Variants in NEBL observed in about 807,000 individuals in gnomAD.
NEBL encodes nebulette.
In NEBL, 122 loss-of-function variants were observed where a neutral mutation model predicts 140.2. That is an observed-to-expected ratio of 0.87 (90% CI 0.75 to 1.01). The LOEUF (loss-of-function observed/expected upper bound fraction) is 1.01, where lower values mean the gene tolerates loss of function less well. NEBL is among the 50% of genes least tolerant of loss of function. The pLI, the probability that NEBL is intolerant of heterozygous loss-of-function variation, is 0.00. For synonymous variants in NEBL, 436 were observed against 398.9 expected, an observed-to-expected ratio of 1.09 and a Z score of -1.11; for missense variants, 1,365 against 1,231.3, an observed-to-expected ratio of 1.11 and a Z score of -1.62.
At chr10:21,003,846 T>C (rs1376629608) in intron 3 of NEBL, among the ~76,000 whole-genome samples, 1 of 152,232 alleles carries the variant, frequency 6.6e-6, no homozygotes, top group Non-Finnish European at 1.5e-5. Flanking sequence ...TCAAAACGTA[T>C]CTAAATTTCT....
chr10:21,212,213 A>G (rs1291472650), intron 3 of NEBL, among the ~76,000 whole-genome samples: 3 of 152,004 alleles, frequency 2.0e-5, no homozygotes, highest in Admixed American at 6.6e-5. Flanking sequence ...TGTCAGAAAG[A>G]TAATACAAAT....
At chr10:20,888,038 C>CT in intron 4 of NEBL, 59 bp downstream of exon 4, 1 of 1,218,850 alleles carries the variant, frequency 8.2e-7, no homozygotes, top group Non-Finnish European at 1.2e-6. Context: ...CGCTAAGTAG[C>CT]TTTTTTCCAG....
At chr10:21,067,265 C>T (rs1835610622) in intron 2 of NEBL, among the ~76,000 whole-genome samples, 1 of 152,042 alleles carries the variant, frequency 6.6e-6, no homozygotes, top group Non-Finnish European at 1.5e-5. Flanking sequence ...GCCACCGCGC[C>T]CAGCCGAAAT....
chr10:21,226,634 T>C (rs1297234014), intron 3 of NEBL, among the ~76,000 whole-genome samples: 1 of 152,186 alleles, frequency 6.6e-6, no homozygotes, highest in Non-Finnish European at 1.5e-5. Flanking sequence ...CCTATGTTGC[T>C]TTCTGCTGTG....
chr10:21,236,348 T>A (rs1466404030), intron 3 of NEBL, among the ~76,000 whole-genome samples: 1 of 84,930 alleles, frequency 1.2e-5, no homozygotes, highest in Non-Finnish European at 2.5e-5. Context: ...TTTTTTAATT[T>A]TTTTTTTTTT....
Position 21,118,747 on chromosome 10 carries a change from A to G in NEBL, c.164+53636T>C, listed in dbSNP as rs144399350. 1.0e-3 allele frequency among the ~76,000 whole-genome samples: 156 copies of G among 152,320 alleles called. 3 individuals are homozygous for G. The East Asian group carries it at 0.021, about 21-fold the overall frequency. ...TTTTTCTAAATTACATATGTGCGAA[A>G]TGAGTCTTAATAAAGCCACTGATTA... is the stretch of plus-strand genomic sequence containing the variant. On this transcript the variant is annotated intron_variant, in intron 2 of 6. Transcript: ENST00000417816.
At chr10:21,268,402 G>A (rs1216715601) in intron 1 of NEBL, among the ~76,000 whole-genome samples, 1 of 152,210 alleles carries the variant, frequency 6.6e-6, no homozygotes, top group Non-Finnish European at 1.5e-5. Context: ...AGGATCGCCT[G>A]AGCCCAAGAG....
At chr10:20,881,287 G>A (rs1301215083) in intron 4 of NEBL, among the ~76,000 whole-genome samples, 1 of 152,174 alleles carries the variant, frequency 6.6e-6, no homozygotes. Flanking sequence ...AAAGTAAATT[G>A]TTTTCAAATG....
At chr10:20,857,181 A>C (rs1843160947) in intron 9 of NEBL, among the ~76,000 whole-genome samples, 1 of 152,234 alleles carries the variant, frequency 6.6e-6, no homozygotes, top group African/African-American at 2.4e-5. Context: ...AATACCATTA[A>C]GGAAGGAAGA....
chr10:21,273,165 C>T (rs1258050920), intron 1 of NEBL, among the ~76,000 whole-genome samples: 2 of 152,030 alleles, frequency 1.3e-5, no homozygotes, highest in Non-Finnish European at 2.9e-5. Flanking sequence ...AATAGAAGGG[C>T]AGTTTGTGGG....
chr10:21,017,030 T>C (rs779075319), intron 3 of NEBL, among the ~76,000 whole-genome samples: 1 of 152,202 alleles, frequency 6.6e-6, no homozygotes, highest in Non-Finnish European at 1.5e-5. Context: ...TTCTAGGTGC[T>C]CTCTGAGCAA....
rs1032615047 is a variant in NEBL at position 20,917,403 on chromosome 10, T to A, written c.357+44269A>T. On this transcript the variant is annotated intron_variant, in intron 4 of 6. Coordinates refer to the NEBL transcript ENST00000417816. ...AAGAATTTTTCATCTTTTTCACTGA[T>A]ATACCCATTGGCGTCACAACAGAAG... Among the ~76,000 whole-genome samples the A allele has an allele frequency of 2.6e-5, 4 of 152,334 alleles. No individual in the cohort carries two copies. In the East Asian group the frequency reaches 7.7e-4, roughly 29 times the overall value.
At chr10:21,116,595 G>A (rs1460984728) in intron 2 of NEBL, among the ~76,000 whole-genome samples, 1 of 151,880 alleles carries the variant, frequency 6.6e-6, no homozygotes, top group Non-Finnish European at 1.5e-5. Flanking sequence ...GTCATTTCTA[G>A]GCCTTTTTCT....
intron 2 of NEBL, among the ~76,000 whole-genome samples, chr10:20,891,838 T>C (rs1847063930): frequency 6.6e-6 from 1 of 152,166 alleles, no homozygotes; most frequent in South Asian, 2.1e-4. Context: ...TTCAAGTGAA[T>C]TGTGCAATAT....
chr10:20,814,446 A>T (rs199703128), intron 22 of NEBL, among the ~76,000 whole-genome samples: 23 of 138,542 alleles, frequency 1.7e-4, no homozygotes, highest in Middle Eastern at 3.3e-3. Context: ...GGTAAAAATT[A>T]AAAAAAAAAA....
intron 17 of NEBL, among the ~76,000 whole-genome samples, chr10:20,827,732 C>A (rs1840014637): frequency 6.6e-6 from 1 of 152,070 alleles, no homozygotes; most frequent in Non-Finnish European, 1.5e-5. Context: ...CCACAGAATA[C>A]CATGCAGTCA....
intron 2 of NEBL, among the ~76,000 whole-genome samples, chr10:21,083,101 G>C (rs1836461814): frequency 6.6e-6 from 1 of 152,162 alleles, no homozygotes; most frequent in Admixed American, 6.5e-5. Flanking sequence ...CATTAAGCAG[G>C]AGCGCAGTGC....
chr10:20,924,831 A>G (rs1451761718), intron 4 of NEBL, among the ~76,000 whole-genome samples: 1 of 152,022 alleles, frequency 6.6e-6, no homozygotes, highest in Non-Finnish European at 1.5e-5. Context: ...AGCTTAGTTA[A>G]CCATAATCCG....
chr10:21,138,826 A>G (rs1189911637), intron 2 of NEBL, among the ~76,000 whole-genome samples: 1 of 151,914 alleles, frequency 6.6e-6, no homozygotes, highest in East Asian at 1.9e-4. Flanking sequence ...ACTATTTAAA[A>G]AAAAAAAAAA....
Sources: gnomAD v4.1 joint callset for allele counts (sites outside exome capture counted in the v4.1 genomes callset) on GRCh38, gnomAD v4.1.1 for gene constraint, MANE v1.5 for transcripts, NCBI Gene and HGNC (gene_info 2026-07-23, HGNC 2026-07-21) for gene names.